The following CYP4V2 variants were observed in gnomAD, a reference collection of about 807,000 sequenced individuals.
CYP4V2 encodes the protein cytochrome P450 4V2.
CYP4V2 carries 55 observed loss-of-function variants against 60.8 expected under a neutral mutation model. The ratio of observed to expected loss-of-function variants is 0.90; its 90% CI spans 0.73 to 1.13. The LOEUF (loss-of-function observed/expected upper bound fraction) is 1.13, where lower values mean the gene tolerates loss of function less well. Ranked by LOEUF, CYP4V2 falls within the 50% of genes most tolerant of loss-of-function variation. The pLI, the probability that CYP4V2 is intolerant of heterozygous loss-of-function variation, is 0.00. For missense variants in CYP4V2, 675 were observed against 662.9 expected, an observed-to-expected ratio of 1.02 and a Z score of -0.20; for synonymous variants, 239 against 236.8, an observed-to-expected ratio of 1.01 and a Z score of -0.08.
chr4:186,191,990 C>T lies in CYP4V2; in HGVS notation c.167C>T (p.Ala56Val), dbSNP rs768059118. 8 of 1,585,030 alleles carry T rather than the reference C, an allele frequency of 5.0e-6. No homozygotes were observed. The highest frequency in any genetic ancestry group is 1.8e-5 in the Admixed American group (1 of 57,078). ...QMRPIPTVAR[A>V]YPLVGHALLM... ...CGGCCCATCCCCACGGTGGCCCGCG[C>T]CTACCCACTGGTGGGCCACGCGCTG... The change falls in exon 1 of 11, where the codon GCC (alanine) becomes GTC (valine). Residue 56 changes from alanine to valine, a missense_variant. Coordinates refer to ENST00000378802, the MANE Select transcript of CYP4V2 (RefSeq NM_207352.4).
At chr4:186,194,113 T>G (rs1736071817) in intron 1 of CYP4V2, among the ~76,000 whole-genome samples, 1 of 152,216 alleles carries the variant, frequency 6.6e-6, no homozygotes, top group African/African-American at 2.4e-5. Flanking sequence ...GAGAGACATT[T>G]GGAAGCAGCA....
Position 186,207,665 on chromosome 4 carries a change from C to T in CYP4V2, c.1091-1200C>T, listed in dbSNP as rs6857083. ...TAAATGTCACATAACATAAAATCTA[C>T]CATTTTAAAATGTACATTTCAGCAG... On this transcript the variant is annotated intron_variant, in intron 8 of 10. Coordinates refer to ENST00000378802, the MANE Select transcript of CYP4V2 (RefSeq NM_207352.4). Among the ~76,000 whole-genome samples, 294 of 150,098 alleles carry T rather than the reference C, an allele frequency of 2.0e-3. 3 individuals are homozygous for T. Among genetic ancestry groups the T allele is most frequent in the African/African-American group, 7.1e-3 (287 of 40,678 alleles).
chr4:186,194,472 G>T (rs996427635), intron 1 of CYP4V2, 28 bp from the exon 2 acceptor site: 3 of 1,581,344 alleles, frequency 1.9e-6, no homozygotes, highest in Non-Finnish European at 2.6e-6. Context: ...CATCTTGATT[G>T]AATTTCAAAT....
intron 1 of CYP4V2, chr4:186,192,469 C>G (rs939643650): frequency 3.0e-6 from 1 of 332,634 alleles, no homozygotes; most frequent in Non-Finnish European, 5.9e-6. Context: ...ACTAGAGATT[C>G]ACTGGACGCT....
chr4:186,210,717 A>G lies in CYP4V2; in HGVS notation c.*76A>G, dbSNP rs1736689742. On this transcript the variant is annotated 3_prime_UTR_variant, in exon 11 of 11. Transcript: ENST00000378802. ...GATCCTTGTCATTTACAATTTACAG[A>G]TCATGAGTTCAATATGCTTGAATCC... The G allele has an allele frequency of 1.9e-6, 3 of 1,576,818 alleles. No homozygotes were observed. The East Asian group carries it at 6.8e-5, about 36-fold the overall frequency.
chr4:186,192,372 C>T, intron 1 of CYP4V2: 2 of 531,278 alleles, frequency 3.8e-6, no homozygotes, highest in East Asian at 3.9e-5. Context: ...AACAGAAGCT[C>T]CCTGGGAGCA....
intron 7 of CYP4V2, chr4:186,203,351 G>A (rs1183515832): frequency 6.6e-6 from 1 of 152,410 alleles, no homozygotes; most frequent in East Asian, 2.0e-4. Flanking sequence ...TACCAGGTGT[G>A]AGTGTGATAC....
chr4:186,206,353 T>C (rs945251815), intron 8 of CYP4V2, among the ~76,000 whole-genome samples: 7 of 152,208 alleles, frequency 4.6e-5, no homozygotes, highest in African/African-American at 1.7e-4. Context: ...AAGAGTTCTC[T>C]TCTTCCAAAT....
At chr4:186,193,691 G>C (rs192626874) in intron 1 of CYP4V2, among the ~76,000 whole-genome samples, 6 of 152,154 alleles carry the variant, frequency 3.9e-5, no homozygotes, top group African/African-American at 1.4e-4. Context: ...CATTTAGTAA[G>C]GCCCTGCTTT....
At chr4:186,199,154 C>T in intron 6 of CYP4V2, 71 bp downstream of exon 6, 2 of 1,504,572 alleles carry the variant, frequency 1.3e-6, no homozygotes, top group Middle Eastern at 1.7e-4. Flanking sequence ...ACCATTTTAA[C>T]TGTACAGTTT....
chr4:186,199,147 A>C, intron 6 of CYP4V2, 64 bp downstream of exon 6: 1 of 1,526,360 alleles, frequency 6.6e-7, no homozygotes. Flanking sequence ...CTTTATAACC[A>C]TTTTAACTGT....
intron 8 of CYP4V2, 76 bp from the exon 9 acceptor site, chr4:186,208,789 A>G (rs1736608491): frequency 1.3e-6 from 2 of 1,599,804 alleles, no homozygotes; most frequent in East Asian, 4.5e-5. Flanking sequence ...GCCTTGATCC[A>G]CCTGTTCTTT....
intron 1 of CYP4V2, among the ~76,000 whole-genome samples, chr4:186,193,775 T>C (rs532146891): frequency 1.3e-5 from 2 of 152,340 alleles, no homozygotes; most frequent in Admixed American, 1.3e-4. Context: ...CCCAAGAATC[T>C]TGTCTTTCAC....
At position 186,210,698 on chromosome 4, in the gene CYP4V2, T is replaced by C; in HGVS notation, c.*57T>C. On this transcript the variant is annotated 3_prime_UTR_variant, in exon 11 of 11. Transcript: ENST00000378802. ...AAAGGTCTTTATTTTAAGAGATCCT[T>C]GTCATTTACAATTTACAGATCATGA... 1 of 1,605,128 alleles carries C rather than the reference T, an allele frequency of 6.2e-7. No homozygotes were observed. Among genetic ancestry groups the C allele is most frequent in the Non-Finnish European group, 8.5e-7 (1 of 1,174,206 alleles).
In CYP4V2 at chr4:186,199,038, G is replaced by A. The variant is rs1480754571; in HGVS notation, c.756G>A (p.Trp252Ter). The A allele has an allele frequency of 1.2e-6, 2 of 1,614,058 alleles. No individual in the cohort carries two copies. The highest frequency in any genetic ancestry group is 2.7e-5 in the African/African-American group (2 of 75,022). Residue 252 changes from tryptophan to a stop codon, truncating the protein, a stop_gained, in exon 6 of 11, where the codon TGG becomes TGA. Coordinates refer to ENST00000378802, the MANE Select transcript of CYP4V2 (RefSeq NM_207352.4). LOFTEE classifies it high-confidence loss of function. ...DLWYLMFKEG[W>*]EHKKSLQILH... is the part of the protein sequence containing the mutation. ...GGTACCTTATGTTTAAAGAAGGATG[G>A]GAACACAAAAAGAGCCTTCAGATCC... is the stretch of plus-strand genomic sequence containing the variant.
intron 1 of CYP4V2, among the ~76,000 whole-genome samples, chr4:186,193,267 T>A (rs1347625806): frequency 6.6e-6 from 1 of 152,168 alleles, no homozygotes; most frequent in Non-Finnish European, 1.5e-5. Context: ...TGGAAAGTAA[T>A]ATACTGAAGT....
rs1736454523 is a variant in CYP4V2, at chr4:186,205,010, A to G, written c.988-190A>G. 5 of 655,848 alleles carry G rather than the reference A, an allele frequency of 7.6e-6. No homozygotes were observed. In the South Asian group the frequency reaches 8.7e-5, roughly 11 times the overall value. The allele number at this position is 655,848 out of a possible 1,614,324, so 40.6% of individuals were successfully genotyped here. On this transcript the variant is annotated intron_variant, in intron 7 of 10. Transcript: ENST00000378802. ...CGGCGTGGAACTGCCATCTCTAGGC[A>G]TGAACCTCCGCTTTGCAGGCTTGTT...
chr4:186,200,580 G>A (rs967874957), intron 6 of CYP4V2, among the ~76,000 whole-genome samples: 9 of 152,160 alleles, frequency 5.9e-5, no homozygotes, highest in Admixed American at 5.9e-4. Flanking sequence ...ATTGTTAGGA[G>A]GCGTCGCAGT....
At chr4:186,202,206 A>G (rs1736324276) in intron 7 of CYP4V2, 1 of 152,218 alleles carries the variant, frequency 6.6e-6, no homozygotes, top group Non-Finnish European at 1.5e-5. Context: ...CAATTTTCCT[A>G]TGTGTAAAGC....
Sources: gnomAD v4.1 joint callset for allele counts (sites outside exome capture counted in the v4.1 genomes callset) on GRCh38, gnomAD v4.1.1 for gene constraint, MANE v1.5 for transcripts, NCBI Gene and HGNC (gene_info 2026-07-23, HGNC 2026-07-21) for gene names.